Variants in CADM2 observed in about 807,000 individuals in gnomAD.
CADM2 encodes cell adhesion molecule 2, also known as immunoglobulin superfamily member 4D.
In CADM2, 12 loss-of-function variants were observed where a neutral mutation model predicts 49.8. The observed-to-expected ratio is 0.24, with a 90% CI of 0.15 to 0.39. The LOEUF is 0.39. Among genes scored for constraint, CADM2 ranks in the 10% least tolerant of loss-of-function variants. The pLI, the probability that CADM2 is intolerant of heterozygous loss-of-function variation, is 1.00. For synonymous variants in CADM2, 214 were observed against 175.4 expected (o/e 1.22, Z -1.74); for missense variants, 378 against 492.3 (o/e 0.77, Z 2.20).
At chr3:85,007,726 T>A (rs1257760148) in intron 1 of CADM2, among the ~76,000 whole-genome samples, 1 of 152,192 alleles carries the variant, frequency 6.6e-6, no homozygotes, top group Admixed American at 6.5e-5. Context: ...AATCTGAGAT[T>A]GAATCATAGT....
intron 1 of CADM2, among the ~76,000 whole-genome samples, chr3:85,655,552 G>C (rs1370480027): frequency 1.3e-5 from 2 of 151,804 alleles, no homozygotes; most frequent in Non-Finnish European, 2.9e-5. Context: ...TTCCTACCTG[G>C]TAGGCACTGT....
intron 1 of CADM2, among the ~76,000 whole-genome samples, chr3:85,153,652 A>G (rs2040006448): frequency 6.6e-6 from 1 of 152,058 alleles, no homozygotes; most frequent in South Asian, 2.1e-4. Context: ...AGACAAACAA[A>G]AAGACAGCAG....
intron 5 of CADM2, among the ~76,000 whole-genome samples, chr3:85,911,899 A>T (rs1051657879): frequency 4.0e-5 from 6 of 151,656 alleles, no homozygotes; most frequent in Non-Finnish European, 7.4e-5. Context: ...ATATTTCTGG[A>T]TCTAGCTCTT....
intron 1 of CADM2, among the ~76,000 whole-genome samples, chr3:84,974,522 G>C (rs2031685259): frequency 6.6e-6 from 1 of 151,868 alleles, no homozygotes; most frequent in Non-Finnish European, 1.5e-5. Flanking sequence ...TACATGTTTG[G>C]AAACTTTTAT....
At chr3:86,050,920 G>T (rs751559531) in intron 8 of CADM2, among the ~76,000 whole-genome samples, 1 of 152,172 alleles carries the variant, frequency 6.6e-6, no homozygotes, top group Admixed American at 6.5e-5. Context: ...GGCCTTTTCC[G>T]TATTGTCTTG....
intron 8 of CADM2, among the ~76,000 whole-genome samples, chr3:86,023,983 T>G (rs2107075888): frequency 6.6e-6 from 1 of 152,308 alleles, no homozygotes; most frequent in Admixed American, 6.5e-5. Flanking sequence ...CTGTCCATGC[T>G]CCCATTTCAA....
intron 1 of CADM2, among the ~76,000 whole-genome samples, chr3:85,274,707 CTA>C (rs960199203): frequency 9.9e-5 from 15 of 151,426 alleles, no homozygotes; most frequent in African/African-American, 3.6e-4. Context: ...ACAGAAATAG[CTA>C]GTAGGACAAC....
intron 1 of CADM2, among the ~76,000 whole-genome samples, chr3:85,158,974 T>G (rs1559695745): frequency 2.0e-5 from 3 of 152,130 alleles, no homozygotes; most frequent in Admixed American, 1.3e-4. Context: ...TGTGTGTTAG[T>G]GTGTGAATGC....
chr3:85,106,691 C>T lies in CADM2; in HGVS notation c.61+147023C>T, dbSNP rs564478011. 4.9e-4 allele frequency among the ~76,000 whole-genome samples: 75 copies of T among 152,004 alleles called. 1 individual carries two copies. Among genetic ancestry groups the T allele is most frequent in the Middle Eastern group, 6.8e-3 (2 of 294 alleles). ...ATTTGGATATTAATTAAAACAAGTACGGGGAAACGTAGCCTTGCCTGATCA... is the reference window on the plus strand; with the variant it reads ...ATTTGGATATTAATTAAAACAAGTATGGGGAAACGTAGCCTTGCCTGATCA... On this transcript the variant is annotated intron_variant, in intron 1 of 9. Coordinates refer to ENST00000383699, the MANE Select transcript of CADM2 (RefSeq NM_001167675.2).
At chr3:85,116,412 T>A (rs1352200373) in intron 1 of CADM2, among the ~76,000 whole-genome samples, 1 of 152,154 alleles carries the variant, frequency 6.6e-6, no homozygotes, top group East Asian at 1.9e-4. Flanking sequence ...GATTTCTTTG[T>A]AGCACTAGTT....
chr3:85,909,556 G>T (rs1407690559), intron 5 of CADM2, among the ~76,000 whole-genome samples: 1 of 152,080 alleles, frequency 6.6e-6, no homozygotes, highest in African/African-American at 2.4e-5. Flanking sequence ...TGTTTGCACT[G>T]TACTCTTGCT....
At chr3:85,156,886 A>T (rs1400162386) in intron 1 of CADM2, among the ~76,000 whole-genome samples, 1 of 152,196 alleles carries the variant, frequency 6.6e-6, no homozygotes, top group African/African-American at 2.4e-5. Context: ...TTAGGAAAAG[A>T]GGAAGTCAAA....
intron 2 of CADM2, among the ~76,000 whole-genome samples, chr3:85,792,023 A>C (rs2071368520): frequency 6.6e-6 from 1 of 152,136 alleles, no homozygotes; most frequent in South Asian, 2.1e-4. Context: ...GCGCCTGGCC[A>C]GTTGAGTGTT....
intron 1 of CADM2, among the ~76,000 whole-genome samples, chr3:85,015,066 T>G (rs1305154828): frequency 6.6e-6 from 1 of 152,150 alleles, no homozygotes; most frequent in Non-Finnish European, 1.5e-5. Flanking sequence ...GATAATACCA[T>G]TTTCTATTGT....
At chr3:85,078,181 G>A (rs1365533122) in intron 1 of CADM2, among the ~76,000 whole-genome samples, 3 of 151,882 alleles carry the variant, frequency 2.0e-5, no homozygotes, top group Admixed American at 6.6e-5. Context: ...TTGCATTTTT[G>A]TATCACTGCC....
chr3:85,611,929 A>G (rs2063692787), intron 1 of CADM2, among the ~76,000 whole-genome samples: 1 of 151,796 alleles, frequency 6.6e-6, no homozygotes, highest in Non-Finnish European at 1.5e-5. Context: ...AGAGGCCCTA[A>G]GTTTGGGGCC....
chr3:85,838,355 G>A (rs1014813971), intron 3 of CADM2, among the ~76,000 whole-genome samples: 5 of 151,830 alleles, frequency 3.3e-5, no homozygotes, highest in African/African-American at 4.8e-5. Flanking sequence ...TTTCAAGTTG[G>A]CAGTAGCAGA....
At chr3:85,362,043 G>T (rs9990096) in intron 1 of CADM2, among the ~76,000 whole-genome samples, 91,436 of 152,122 alleles carry the variant, frequency 0.6, 28,168 homozygotes, top group East Asian at 0.81. Context: ...GAGATTTGGG[G>T]TAGCATCAGC....
intron 2 of CADM2, among the ~76,000 whole-genome samples, chr3:85,790,674 C>T (rs1338007153): frequency 6.6e-6 from 1 of 152,126 alleles, no homozygotes; most frequent in Non-Finnish European, 1.5e-5. Context: ...CGCTAGGATT[C>T]GGTCTACGGG....
Sources: gnomAD v4.1 joint callset for allele counts (sites outside exome capture counted in the v4.1 genomes callset) on GRCh38, gnomAD v4.1.1 for gene constraint, MANE v1.5 for transcripts, NCBI Gene and HGNC (gene_info 2026-07-23, HGNC 2026-07-21) for gene names.